The following PLEKHA5 variants were observed in gnomAD, a reference collection of about 807,000 sequenced individuals.
PLEKHA5 encodes the protein pleckstrin homology domain-containing family A member 5.
A neutral mutation model predicts 181.9 loss-of-function variants in PLEKHA5; 55 were observed. The observed-to-expected ratio is 0.30, with a 90% CI of 0.24 to 0.38. PLEKHA5 has a LOEUF of 0.38. Ranked by LOEUF, PLEKHA5 falls within the 10% of genes least tolerant of loss-of-function variation. The probability of loss-of-function intolerance (pLI) is 1.00; values close to 1 mark genes in which losing one functional copy is unlikely to be tolerated. For missense variants in PLEKHA5, 1,432 were observed against 1,549.5 expected, an observed-to-expected ratio of 0.92 and a Z score of 1.27; for synonymous variants, 535 against 529.4, an observed-to-expected ratio of 1.01 and a Z score of -0.15.
intron 26 of PLEKHA5, among the ~76,000 whole-genome samples, chr12:19,357,942 T>C (rs1370246316): frequency 2.0e-5 from 3 of 150,208 alleles, no homozygotes; most frequent in African/African-American, 7.4e-5. Flanking sequence ...TCCTGGTCCA[T>C]ATTTTTTTTT....
At chr12:19,341,223 GC>G (rs1335843449) in intron 21 of PLEKHA5, among the ~76,000 whole-genome samples, 1 of 152,160 alleles carries the variant, frequency 6.6e-6, no homozygotes, top group East Asian at 1.9e-4. Context: ...GTCACAGTGA[GC>G]CAAGATCACA....
rs1415851715 is a variant in PLEKHA5 at position 19,132,504 on chromosome 12, T to C, written c.227+54T>C. The C allele has an allele frequency of 5.8e-6, 5 of 866,648 alleles. No individual in the cohort carries two copies. In the East Asian group the frequency reaches 1.2e-4, roughly 21 times the overall value. 53.7% of individuals were successfully genotyped at this position (866,648 alleles called of 1,614,324 possible). A position where few individuals can be genotyped will look rare whatever the true frequency, so the allele number is the denominator to read the frequency against. On this transcript the variant is annotated intron_variant, in intron 3 of 31. Coordinates refer to ENST00000429027, the MANE Select transcript of PLEKHA5 (RefSeq NM_001256470.2). ...TTCGTAATTAGAATGCTGTGATTACTCCTCAGCTGAATAGTTGTATGTCCA... is the reference window on the plus strand; with the variant it reads ...TTCGTAATTAGAATGCTGTGATTACCCCTCAGCTGAATAGTTGTATGTCCA...
intron 3 of PLEKHA5, among the ~76,000 whole-genome samples, chr12:19,203,508 C>G (rs2152090124): frequency 6.6e-6 from 1 of 152,212 alleles, no homozygotes; most frequent in South Asian, 2.1e-4. Flanking sequence ...CAGCCTTGAC[C>G]TGGCTGTTTC....
intron 3 of PLEKHA5, among the ~76,000 whole-genome samples, chr12:19,229,649 C>T (rs374226412): frequency 6.6e-5 from 10 of 152,220 alleles, no homozygotes; most frequent in South Asian, 6.2e-4. Context: ...CAAGATATAT[C>T]GCAAAGAGCG....
chr12:19,360,396 C>T (rs1046505033), intron 28 of PLEKHA5, among the ~76,000 whole-genome samples: 5 of 151,806 alleles, frequency 3.3e-5, no homozygotes, highest in South Asian at 2.1e-4. Flanking sequence ...ACTTGAGGCC[C>T]GGAGTTCGAG....
chr12:19,188,613 A>G (rs753016681), intron 3 of PLEKHA5, among the ~76,000 whole-genome samples: 1 of 152,224 alleles, frequency 6.6e-6, no homozygotes, highest in Non-Finnish European at 1.5e-5. Context: ...TTTCAACGGA[A>G]TAACTGTATC....
At chr12:19,188,530 T>G (rs771117731) in intron 3 of PLEKHA5, among the ~76,000 whole-genome samples, 6 of 152,186 alleles carry the variant, frequency 3.9e-5, no homozygotes, top group Non-Finnish European at 8.8e-5. Context: ...TTCAATCATA[T>G]TAGATTAGAA....
chr12:19,283,642 A>C lies in PLEKHA5; in HGVS notation c.1676A>C (p.Tyr559Ser). Residue 559 changes from tyrosine (Y) to serine (S), a missense_variant, in exon 12 of 32, where the codon TAT becomes TCT. This residue lies in a region of PLEKHA5 where 1,143 missense variants were observed against 1,168.4 expected (regional missense o/e 0.98). Transcript: ENST00000429027. ...TSPSHGSIAA[Y>S]QGYSPQRTYR... Reference sequence around the variant, plus strand: ...CCTTCCCACGGGTCAATAGCTGCTTATCAGGGATACTCCCCTCAACGAACT... The same window carrying C: ...CCTTCCCACGGGTCAATAGCTGCTTCTCAGGGATACTCCCCTCAACGAACT... 6.2e-7 allele frequency: 1 copy of C among 1,614,144 alleles called. No homozygotes were observed.
chr12:19,349,549 C>G lies in PLEKHA5; in HGVS notation c.3019+1030C>G, dbSNP rs184023833. 4.6e-3 allele frequency among the ~76,000 whole-genome samples: 694 copies of G among 151,886 alleles called. 13 individuals carry two copies. Among genetic ancestry groups the G allele is most frequent in the Non-Finnish European group, 2.0e-3 (133 of 67,942 alleles). On this transcript the variant is annotated intron_variant, in intron 25 of 31. Transcript: ENST00000429027. Reference sequence around the variant, plus strand: ...GTATACTCTGATTTTTTTCTTAATGCTGGTCATTTTTCTAGAAGGCAATTG... The same window carrying G: ...GTATACTCTGATTTTTTTCTTAATGGTGGTCATTTTTCTAGAAGGCAATTG...
At chr12:19,323,068 G>T (rs1483878753) in intron 20 of PLEKHA5, among the ~76,000 whole-genome samples, 7 of 122,238 alleles carry the variant, frequency 5.7e-5, no homozygotes, top group Admixed American at 2.0e-4. Flanking sequence ...TCACTATGTT[G>T]CCCAGACTGG....
intron 20 of PLEKHA5, among the ~76,000 whole-genome samples, chr12:19,322,896 A>G (rs1434013518): frequency 1.3e-5 from 2 of 152,084 alleles, no homozygotes; most frequent in Non-Finnish European, 2.9e-5. Context: ...TCTGTCACCC[A>G]GGCTGGAGTA....
At chr12:19,275,969 A>G in intron 11 of PLEKHA5, among the ~76,000 whole-genome samples, 1 of 152,202 alleles carries the variant, frequency 6.6e-6, no homozygotes, top group East Asian at 1.9e-4. Flanking sequence ...TTAGTGTGAC[A>G]AATACAATGA....
chr12:19,232,897 G>A (rs1003702973), intron 3 of PLEKHA5, among the ~76,000 whole-genome samples: 25 of 152,080 alleles, frequency 1.6e-4, no homozygotes, highest in African/African-American at 5.6e-4. Context: ...TACCCATGTC[G>A]ATTGTCTTCC....
intron 3 of PLEKHA5, among the ~76,000 whole-genome samples, chr12:19,227,224 A>G (rs950462241): frequency 6.6e-6 from 1 of 150,548 alleles, no homozygotes; most frequent in Non-Finnish European, 1.5e-5. Context: ...CCAAATTGCT[A>G]TCCACTCTTC....
At chr12:19,218,729 A>G (rs1304528846) in intron 3 of PLEKHA5, among the ~76,000 whole-genome samples, 1 of 152,056 alleles carries the variant, frequency 6.6e-6, no homozygotes, top group African/African-American at 2.4e-5. Flanking sequence ...GAAACAGTTG[A>G]TAGAAAGGTT....
intron 3 of PLEKHA5, chr12:19,150,287 G>C (rs2040071168): frequency 6.6e-6 from 1 of 152,112 alleles, no homozygotes; most frequent in African/African-American, 2.4e-5. Flanking sequence ...GGCTGTGTCA[G>C]TTTAAGGTCC....
chr12:19,131,584 A>G (rs562889779), intron 2 of PLEKHA5, among the ~76,000 whole-genome samples: 5 of 152,312 alleles, frequency 3.3e-5, no homozygotes, highest in Non-Finnish European at 5.9e-5. Flanking sequence ...CTATGGAATT[A>G]TGAGTGATAT....
chr12:19,214,681 G>T (rs2057607629), intron 3 of PLEKHA5, among the ~76,000 whole-genome samples: 1 of 152,096 alleles, frequency 6.6e-6, no homozygotes, highest in South Asian at 2.1e-4. Flanking sequence ...GCATGGGAGT[G>T]ATTAGGATGG....
At chr12:19,190,646 A>T (rs11044446) in intron 3 of PLEKHA5, among the ~76,000 whole-genome samples, 128,627 of 152,196 alleles carry the variant, frequency 0.85, 55,807 homozygotes, top group Non-Finnish European at 0.96. Flanking sequence ...AAGATGATTC[A>T]TTTAGCCAGA....
Sources: gnomAD v4.1 joint callset for allele counts (sites outside exome capture counted in the v4.1 genomes callset) on GRCh38, gnomAD v4.1.1 for gene constraint, gnomAD v4.1.1 regional missense constraint, MANE v1.5 for transcripts, NCBI Gene and HGNC (gene_info 2026-07-23, HGNC 2026-07-21) for gene names.